The following MED21 variants were observed in gnomAD, a reference collection of about 807,000 sequenced individuals.
MED21 encodes the protein mediator complex subunit 21, also known as mediator of RNA polymerase II transcription subunit 21.
In MED21, 9 loss-of-function variants were observed where a neutral mutation model predicts 18.2. The ratio of observed to expected loss-of-function variants is 0.49; its 90% confidence interval spans 0.30 to 0.86. The LOEUF is 0.86. Ranked by LOEUF, MED21 falls within the 40% of genes least tolerant of loss-of-function variation. The probability of loss-of-function intolerance (pLI) is 0.07; values close to 1 mark genes in which losing one functional copy is unlikely to be tolerated. For missense variants in MED21, 150 were observed against 170.9 expected, an observed-to-expected ratio of 0.88 and a Z score of 0.68; for synonymous variants, 73 against 60.5, an observed-to-expected ratio of 1.21 and a Z score of -0.96.
chr12:27,029,828 C>A lies in MED21; in HGVS notation c.*1367C>A. ...CAGTCAGAAAACTTATTCAAAGTAC[C>A]TAAGTATTATAAAGGAGTCAAAAAG... is the stretch of plus-strand genomic sequence containing the variant. On this transcript the variant is annotated 3_prime_UTR_variant, in exon 4 of 4. Coordinates refer to ENST00000282892, the MANE Select transcript of MED21 (RefSeq NM_004264.5). 1 of 1,000,426 alleles carries A rather than the reference C, an allele frequency of 1.0e-6. No individual in the cohort carries two copies. The highest frequency in any genetic ancestry group is 1.2e-6 in the Non-Finnish European group (1 of 839,018). 62.0% of individuals were successfully genotyped at this position (1,000,426 alleles called of 1,614,324 possible).
At chr12:27,033,213 A>G (rs989486615), downstream of MED21, among the ~76,000 whole-genome samples, 2 of 152,152 alleles carry the variant, frequency 1.3e-5, no homozygotes, top group Admixed American at 1.3e-4. Flanking sequence ...CTTATAGACA[A>G]TATAAATTTA....
At chr12:27,032,329 A>G (rs1404002971), downstream of MED21, among the ~76,000 whole-genome samples, 1 of 152,204 alleles carries the variant, frequency 6.6e-6, no homozygotes, top group African/African-American at 2.4e-5. Context: ...GGGGAGATAA[A>G]TAGAACTTGG....
chr12:27,030,366 C>T lies in MED21; in HGVS notation c.*1905C>T. ...CCCAGGCTAATGCCAAACTGCTAACCTCAAGATATTAATACTATACAGTAG... is the reference window on the plus strand; with the variant it reads ...CCCAGGCTAATGCCAAACTGCTAACTTCAAGATATTAATACTATACAGTAG... On this transcript the variant is annotated 3_prime_UTR_variant, in exon 4 of 4. Transcript: ENST00000282892. 2.3e-6 allele frequency: 1 copy of T among 431,618 alleles called. No homozygotes were observed. Among genetic ancestry groups the T allele is most frequent in the Non-Finnish European group, 4.1e-6 (1 of 242,948 alleles). 26.7% of individuals were successfully genotyped at this position (431,618 alleles called of 1,614,324 possible).
Position 27,038,808 on chromosome 12 carries a change from TGGA to T in MED21, n.147-7344_147-7342del, listed in dbSNP as rs1941664391. On this transcript the variant is annotated intron_variant and non_coding_transcript_variant, in intron 2 of 4. Coordinates refer to the MED21 transcript ENST00000538186. ...GCCATTACATTAAAGTCAATGCCTA[TGGA>T]GTTTGGGAGGAGTGATCAAAATGTT... The T allele has an allele frequency of 2.0e-5, 3 of 152,318 alleles. No homozygotes were observed. The South Asian group carries it at 6.2e-4, about 32-fold the overall frequency. The allele number at this position is 152,318 out of a possible 1,614,324, so 9.4% of individuals were successfully genotyped here. A position where few individuals can be genotyped will look rare whatever the true frequency, so the allele number is the denominator to read the frequency against.
At chr12:27,024,462 A>T (rs780826620) in intron 1 of MED21, among the ~76,000 whole-genome samples, 1 of 152,242 alleles carries the variant, frequency 6.6e-6, no homozygotes, top group Non-Finnish European at 1.5e-5. Flanking sequence ...ATTCACCAAG[A>T]TAAATTCTAC....
rs190228266 is a variant in MED21, at chr12:27,028,610, A to G, written c.*149A>G. The G allele has an allele frequency of 5.9e-5, 77 of 1,314,696 alleles. No individual in the cohort carries two copies. In the East Asian group the frequency reaches 1.9e-3, roughly 33 times the overall value. The allele number at this position is 1,314,696 out of a possible 1,614,324, so 81.4% of individuals were successfully genotyped here. ...TTTTAGCTATTTTTAATAGTCTTCT[A>G]TTTTCACTCTTGATAAGCTTATAAA... On this transcript the variant is annotated 3_prime_UTR_variant, in exon 4 of 4. Transcript: ENST00000282892.
chr12:27,022,802 C>A (rs756647970), intron 1 of MED21, 181 bp downstream of exon 1: 3 of 1,515,288 alleles, frequency 2.0e-6, no homozygotes, highest in East Asian at 5.1e-5. Flanking sequence ...GGCTGCCGGG[C>A]GGTGCTTGAA....
chr12:27,030,553 AATTTT>A lies in MED21; in HGVS notation c.*2102_*2106del, dbSNP rs978727480. The A allele has an allele frequency of 3.0e-5, 6 of 198,934 alleles. No homozygotes were observed. The East Asian group carries it at 3.3e-4, about 11-fold the overall frequency. The allele number at this position is 198,934 out of a possible 1,614,324, so 12.3% of individuals were successfully genotyped here. A position where few individuals can be genotyped will look rare whatever the true frequency, so the allele number is the denominator to read the frequency against. On this transcript the variant is annotated 3_prime_UTR_variant, in exon 4 of 4. Coordinates refer to ENST00000282892, the MANE Select transcript of MED21 (RefSeq NM_004264.5). Reference sequence around the variant, plus strand: ...ACAGAATAAAACAATAGTAAACCTAAATTTTATTTTATTTCATTAATACAGCAATA... The same window carrying A: ...ACAGAATAAAACAATAGTAAACCTAAATTTTATTTCATTAATACAGCAATA...
Position 27,028,886 on chromosome 12 carries a change from A to G in MED21, c.*425A>G, listed in dbSNP as rs1941580243. 1 of 986,264 alleles carries G rather than the reference A, an allele frequency of 1.0e-6. No homozygotes were observed. Among genetic ancestry groups the G allele is most frequent in the Admixed American group, 6.1e-5 (1 of 16,428 alleles). The allele number at this position is 986,264 out of a possible 1,614,324, so 61.1% of individuals were successfully genotyped here. ...AGTTTGGGCTAGTGTCCTGCCTCTT[A>G]GAGGTGGCATTGTGTAAATCTGAGC... is the stretch of plus-strand genomic sequence containing the variant. On this transcript the variant is annotated 3_prime_UTR_variant, in exon 4 of 4. Coordinates refer to ENST00000282892, the MANE Select transcript of MED21 (RefSeq NM_004264.5).
intron 1 of MED21, among the ~76,000 whole-genome samples, chr12:27,025,678 C>T (rs1941534877): frequency 6.6e-6 from 1 of 152,006 alleles, no homozygotes; most frequent in Admixed American, 6.6e-5. Flanking sequence ...GAAACAGTTG[C>T]CTTTGAGTTC....
chr12:27,025,241 A>G (rs1424753328), intron 1 of MED21, among the ~76,000 whole-genome samples: 2 of 152,220 alleles, frequency 1.3e-5, no homozygotes, highest in Non-Finnish European at 2.9e-5. Flanking sequence ...CTAGGTTTGT[A>G]TAGCATCTGA....
chr12:27,036,866 G>T (rs1475794679), intron 2 of MED21, among the ~76,000 whole-genome samples: 1 of 152,206 alleles, frequency 6.6e-6, no homozygotes, highest in Non-Finnish European at 1.5e-5. Flanking sequence ...TTGAAGTCAG[G>T]TAGTGTGATG....
chr12:27,029,801 TTCAG>T lies in MED21; in HGVS notation c.*1345_*1348del, dbSNP rs1941593678. The T allele has an allele frequency of 1.0e-6, 1 of 991,042 alleles. No individual in the cohort carries two copies. Among genetic ancestry groups the T allele is most frequent in the Non-Finnish European group, 1.2e-6 (1 of 833,496 alleles). The allele number at this position is 991,042 out of a possible 1,614,324, so 61.4% of individuals were successfully genotyped here. A position where few individuals can be genotyped will look rare whatever the true frequency, so the allele number is the denominator to read the frequency against. On this transcript the variant is annotated 3_prime_UTR_variant, in exon 4 of 4. Coordinates refer to ENST00000282892, the MANE Select transcript of MED21 (RefSeq NM_004264.5). ...ATTATAGTTTTGGGGGGAGAGAAGATTCAGTCAGAAAACTTATTCAAAGTACCTA... is the reference window on the plus strand; with the variant it reads ...ATTATAGTTTTGGGGGGAGAGAAGATTCAGAAAACTTATTCAAAGTACCTA...
chr12:27,032,122 C>T (rs1343315608), downstream of MED21, among the ~76,000 whole-genome samples: 3 of 152,152 alleles, frequency 2.0e-5, no homozygotes, highest in Non-Finnish European at 4.4e-5. Context: ...AGGTTGAAGC[C>T]ATATTCTCTC....
At chr12:27,037,476 T>C (rs1447224142) in intron 2 of MED21, 3 of 152,084 alleles carry the variant, frequency 2.0e-5, no homozygotes, top group Admixed American at 6.6e-5. Context: ...TCCAACACTA[T>C]GTTGAATAGG....
chr12:27,033,627 GCAAA>G (rs1406951650), downstream of MED21, among the ~76,000 whole-genome samples: 3 of 152,068 alleles, frequency 2.0e-5, no homozygotes, highest in African/African-American at 7.2e-5. Context: ...TAAGGTTGGG[GCAAA>G]AAGAGCAGAG....
intron 3 of MED21, 122 bp from the exon 4 acceptor site, chr12:27,028,163 G>T: frequency 8.0e-7 from 1 of 1,251,096 alleles, no homozygotes; most frequent in Non-Finnish European, 1.1e-6. Context: ...CTGATTTTTA[G>T]AATTTCTTTA....
rs1332525543 is a variant in MED21 at position 27,029,125 on chromosome 12, A to G, written c.*664A>G. ...TTCTACATCCTGAACTATTTTTCCT[A>G]TTTCTTTTCACCTTGCTTTTTTTCA... On this transcript the variant is annotated 3_prime_UTR_variant, in exon 4 of 4. Transcript: ENST00000282892. 2 of 985,040 alleles carry G rather than the reference A, an allele frequency of 2.0e-6. No homozygotes were observed. Among genetic ancestry groups the G allele is most frequent in the African/African-American group, 3.5e-5 (2 of 57,118 alleles). The allele number at this position is 985,040 out of a possible 1,614,324, so 61.0% of individuals were successfully genotyped here. A position where few individuals can be genotyped will look rare whatever the true frequency, so the allele number is the denominator to read the frequency against.
downstream of MED21, among the ~76,000 whole-genome samples, chr12:27,035,147 G>C (rs771798065): frequency 6.6e-6 from 1 of 152,118 alleles, no homozygotes; most frequent in African/African-American, 2.4e-5. Flanking sequence ...TACAGGCTGC[G>C]GTGAGCCATG....
Sources: allele counts gnomAD v4.1 joint callset (sites outside exome capture counted in the v4.1 genomes callset), GRCh38; gene constraint gnomAD v4.1.1; transcripts MANE v1.5; gene names NCBI Gene and HGNC (gene_info 2026-07-23, HGNC 2026-07-21).